The following RGL1 variants were observed in gnomAD, a reference collection of about 807,000 sequenced individuals.
RGL1 encodes ral guanine nucleotide dissociation stimulator like 1.
RGL1 carries 24 observed loss-of-function variants against 95.2 expected under a neutral mutation model. The ratio of observed to expected loss-of-function variants is 0.25; its 90% CI spans 0.18 to 0.35. The LOEUF is 0.35. RGL1 is among the 10% of genes least tolerant of loss of function. The pLI is 1.00. For synonymous variants in RGL1, 329 were observed against 344.9 expected (o/e 0.95, Z 0.51); for missense variants, 715 against 936.3 (o/e 0.76, Z 3.08).
At chr1:183,653,788 A>G (rs1336570823) in intron 1 of RGL1, among the ~76,000 whole-genome samples, 1 of 152,158 alleles carries the variant, frequency 6.6e-6, no homozygotes, top group African/African-American at 2.4e-5. Context: ...GGTTCCCTCC[A>G]GTTTAAGACA....
chr1:183,866,169 A>ATT, intron 4 of RGL1, 96 bp downstream of exon 4: 1 of 1,050,022 alleles, frequency 9.5e-7, no homozygotes, highest in Non-Finnish European at 1.4e-6. Flanking sequence ...TGTTGCCATG[A>ATT]TTTTTTTTTC....
At chr1:183,890,817 G>A (rs567708568) in intron 8 of RGL1, among the ~76,000 whole-genome samples, 3 of 152,142 alleles carry the variant, frequency 2.0e-5, no homozygotes, top group Non-Finnish European at 2.9e-5. Flanking sequence ...CTGGGAGGAC[G>A]GTAGGGTCCC....
intron 2 of RGL1, among the ~76,000 whole-genome samples, chr1:183,779,202 TC>T (rs1659765170): frequency 2.0e-5 from 3 of 148,212 alleles, no homozygotes; most frequent in African/African-American, 7.5e-5. Flanking sequence ...CTTCCTTCCT[TC>T]CTTCCTTCCT....
chr1:183,805,971 C>CTTTCTTTTTTTTT (rs1661282017), intron 1 of RGL1, among the ~76,000 whole-genome samples: 1 of 74,676 alleles, frequency 1.3e-5, no homozygotes, highest in Non-Finnish European at 2.6e-5. Context: ...CTTTTCTTTT[C>CTTTCTTTTTTTTT]TTTTTTTTTT....
intron 2 of RGL1, among the ~76,000 whole-genome samples, chr1:183,785,206 C>G (rs1660097182): frequency 6.6e-6 from 1 of 152,228 alleles, no homozygotes; most frequent in South Asian, 2.1e-4. Flanking sequence ...GGCCCCCACC[C>G]TCTTTGTCAT....
chr1:183,748,565 C>T (rs1240007257), intron 2 of RGL1, among the ~76,000 whole-genome samples: 1 of 151,964 alleles, frequency 6.6e-6, no homozygotes, highest in East Asian at 1.9e-4. Context: ...GCCACCACGT[C>T]CAGCTAATTT....
intron 1 of RGL1, among the ~76,000 whole-genome samples, chr1:183,636,697 G>C (rs1460107722): frequency 6.6e-6 from 1 of 152,010 alleles, no homozygotes; most frequent in African/African-American, 2.4e-5. Flanking sequence ...AAATGTGGAA[G>C]GATTGGTGGA....
chr1:183,724,672 C>T lies in RGL1; in HGVS notation c.-32-17454C>T, dbSNP rs147011569. Among the ~76,000 whole-genome samples, 46 of 152,064 alleles carry T rather than the reference C, an allele frequency of 3.0e-4. No individual in the cohort carries two copies. The highest frequency in any genetic ancestry group is 9.6e-4 in the African/African-American group (40 of 41,468). On this transcript the variant is annotated intron_variant, in intron 1 of 18. Coordinates refer to the RGL1 transcript ENST00000304685. This position sits in a 1 kb window ranked among gnomAD's most constrained non-coding sequence, Gnocchi z 4.1. ...GTAGAATAGAGCACCAGGGAGATTC[C>T]TAAGATTTCCAACTCTAGGCCCTGG...
intron 2 of RGL1, among the ~76,000 whole-genome samples, chr1:183,746,527 A>G (rs1341664795): frequency 6.6e-5 from 10 of 152,074 alleles, no homozygotes; most frequent in Non-Finnish European, 1.0e-4. Context: ...TGGTTATATC[A>G]TGATTAATTA....
intron 2 of RGL1, among the ~76,000 whole-genome samples, chr1:183,757,978 T>C (rs1658445438): frequency 1.3e-5 from 2 of 152,222 alleles, no homozygotes; most frequent in African/African-American, 4.8e-5. Context: ...TTCAGCTCAA[T>C]AACTGGTACC....
At chr1:183,851,005 A>G (rs1245688687) in intron 3 of RGL1, among the ~76,000 whole-genome samples, 2 of 152,194 alleles carry the variant, frequency 1.3e-5, no homozygotes, top group East Asian at 1.9e-4. Context: ...TGTTTAGTCT[A>G]TGACTCATGT....
At chr1:183,914,255 A>C (rs1668832136) in intron 15 of RGL1, among the ~76,000 whole-genome samples, 1 of 152,226 alleles carries the variant, frequency 6.6e-6, no homozygotes, top group South Asian at 2.1e-4. Context: ...AACTATGCAG[A>C]AGCCCAGTGT....
intron 3 of RGL1, among the ~76,000 whole-genome samples, chr1:183,857,848 G>A (rs2102568680): frequency 6.6e-6 from 1 of 152,328 alleles, no homozygotes; most frequent in South Asian, 2.1e-4. Context: ...ATAGGAACAT[G>A]TGGCGACTGT....
chr1:183,896,568 T>C (rs1215458274), intron 9 of RGL1, among the ~76,000 whole-genome samples: 10 of 152,194 alleles, frequency 6.6e-5, no homozygotes, highest in Admixed American at 6.5e-4. Context: ...AAAAAAACCC[T>C]TTTGTGGTTG....
At chr1:183,868,559 T>G (rs1245875956) in intron 4 of RGL1, among the ~76,000 whole-genome samples, 1 of 152,184 alleles carries the variant, frequency 6.6e-6, no homozygotes, top group South Asian at 2.1e-4. Flanking sequence ...TCTCAAGTGA[T>G]TCCTAAGCAC....
At chr1:183,638,747 G>A (rs1388144130) in intron 1 of RGL1, among the ~76,000 whole-genome samples, 1 of 152,052 alleles carries the variant, frequency 6.6e-6, no homozygotes, top group Non-Finnish European at 1.5e-5. Flanking sequence ...TTTACTTGTT[G>A]TGCAAATAAC....
intron 3 of RGL1, among the ~76,000 whole-genome samples, chr1:183,857,243 T>C (rs1434417734): frequency 6.6e-6 from 1 of 152,180 alleles, no homozygotes; most frequent in Non-Finnish European, 1.5e-5. Flanking sequence ...AGCCAAAGAA[T>C]GCAGGCAGCC....
intron 1 of RGL1, among the ~76,000 whole-genome samples, chr1:183,738,148 G>A (rs767194204): frequency 1.3e-5 from 2 of 152,150 alleles, no homozygotes; most frequent in Non-Finnish European, 2.9e-5. Flanking sequence ...GGCTGAGTGC[G>A]GTGGCTCATG....
chr1:183,882,011 CAG>C (rs1666851273), intron 5 of RGL1, among the ~76,000 whole-genome samples: 1 of 152,240 alleles, frequency 6.6e-6, no homozygotes, highest in Admixed American at 6.5e-5. Context: ...GTTTCCAACA[CAG>C]GGACTGCAAG....
Sources: allele counts gnomAD v4.1 joint callset (sites outside exome capture counted in the v4.1 genomes callset), GRCh38; gene constraint gnomAD v4.1.1; non-coding constraint Gnocchi (gnomAD v3.1); transcripts MANE v1.5; gene names NCBI Gene and HGNC (gene_info 2026-07-23, HGNC 2026-07-21).